Variants in MPDZ observed in about 807,000 individuals in gnomAD.
MPDZ encodes the protein multiple PDZ domain protein.
MPDZ carries 234 observed loss-of-function variants against 239.1 expected under a neutral mutation model. The observed-to-expected ratio is 0.98, with a 90% CI of 0.88 to 1.09. The LOEUF (loss-of-function observed/expected upper bound fraction) is 1.09, where lower values mean the gene tolerates loss of function less well. MPDZ is among the 50% of genes least tolerant of loss of function. The pLI is 0.00. For synonymous variants in MPDZ, 1,048 were observed against 881.3 expected (o/e 1.19, Z -3.35); for missense variants, 3,175 against 2,510.0 (o/e 1.26, Z -5.66).
chr9:13,216,004 A>G (rs936003744), intron 10 of MPDZ, among the ~76,000 whole-genome samples: 1 of 139,612 alleles, frequency 7.2e-6, no homozygotes, highest in Non-Finnish European at 1.5e-5. Context: ...GATTACAGGC[A>G]TGAGCCACCA....
At chr9:13,243,068 G>C (rs1374259954) in intron 3 of MPDZ, among the ~76,000 whole-genome samples, 1 of 152,074 alleles carries the variant, frequency 6.6e-6, no homozygotes, top group East Asian at 1.9e-4. Flanking sequence ...CATTTTTCAA[G>C]ACCCATTTTC....
At chr9:13,216,892 A>G (rs1355372071) in intron 9 of MPDZ, 30 bp from the exon 10 acceptor site, 2 of 1,536,982 alleles carry the variant, frequency 1.3e-6, no homozygotes, top group Non-Finnish European at 1.8e-6. Flanking sequence ...ATTTTTCACA[A>G]TTTTCAAAGC....
At chr9:13,198,326 A>G (rs1955907165) in intron 12 of MPDZ, among the ~76,000 whole-genome samples, 1 of 152,016 alleles carries the variant, frequency 6.6e-6, no homozygotes, top group African/African-American at 2.4e-5. Context: ...TGTAGTTTTG[A>G]CTTGCATTTC....
At position 13,115,762 on chromosome 9, in the gene MPDZ, G is replaced by A. The variant is rs755178235; in HGVS notation, c.5380-428C>T. Among the ~76,000 whole-genome samples the A allele has an allele frequency of 3.2e-4, 48 of 152,012 alleles. 1 individual carries two copies. Among genetic ancestry groups the A allele is most frequent in the South Asian group, 2.1e-3 (10 of 4,810 alleles). On this transcript the variant is annotated intron_variant, in intron 39 of 46. Coordinates refer to ENST00000319217, the MANE Select transcript of MPDZ (RefSeq NM_001378778.1). The stretch of plus-strand genomic sequence containing the variant: ...AGATCAAGACCATCCTGGCTAACAT[G>A]GTGAAACCCTGTCTCTACTAAAAAT...
Position 13,127,548 on chromosome 9 carries a change from A to G in MPDZ, c.4465-776T>C, listed in dbSNP as rs140846724. Among the ~76,000 whole-genome samples, 711 of 152,334 alleles carry G rather than the reference A, an allele frequency of 4.7e-3. 6 individuals are homozygous for G. Among genetic ancestry groups the G allele is most frequent in the African/African-American group, 0.016 (685 of 41,578 alleles). On this transcript the variant is annotated intron_variant, in intron 32 of 46. Transcript: ENST00000319217. The stretch of plus-strand genomic sequence containing the variant: ...ATTTTTTCTCCAGAGAAAAGTTACA[A>G]AAAGCAAAGAAAAGAAAAGAGAATC...
At chr9:13,176,656 G>T (rs1952533926) in intron 19 of MPDZ, among the ~76,000 whole-genome samples, 3 of 152,056 alleles carry the variant, frequency 2.0e-5, no homozygotes, top group Admixed American at 2.0e-4. Context: ...GTTCTACTGA[G>T]TTATACTTGT....
chr9:13,266,638 T>C (rs759808011), intron 1 of MPDZ, among the ~76,000 whole-genome samples: 3 of 152,208 alleles, frequency 2.0e-5, no homozygotes, highest in Non-Finnish European at 2.9e-5. Flanking sequence ...CCACATTTAA[T>C]AGATTCAGTA....
At chr9:13,141,765 C>A in intron 27 of MPDZ, among the ~76,000 whole-genome samples, 1 of 152,184 alleles carries the variant, frequency 6.6e-6, no homozygotes, top group South Asian at 2.1e-4. Context: ...TCAGAAAGCA[C>A]TCAATTTTCT....
chr9:13,264,090 G>A (rs1971287977), intron 1 of MPDZ, among the ~76,000 whole-genome samples: 1 of 152,012 alleles, frequency 6.6e-6, no homozygotes, highest in Non-Finnish European at 1.5e-5. Flanking sequence ...TACTGAAAAT[G>A]AAAATATATA....
rs1039177904 is a variant in MPDZ at position 13,222,309 on chromosome 9, G to A, written c.671C>T (p.Ser224Leu). The change falls in exon 6 of 47, where the codon TCA becomes TTA. Residue 224 changes from serine to leucine, a missense_variant. By Grantham distance (145) the Ser-to-Leu change is moderately radical (BLOSUM62 -2). Coordinates refer to ENST00000319217, the MANE Select transcript of MPDZ (RefSeq NM_001378778.1). ...TATGGGGCTGACAAGCTGAGGCAAT[G>A]AGCCTCTGGCAATAACTAGCTGGAC... ...DTVQLVIARG[S>L]LPQLVSPIVS... 6.8e-6 allele frequency: 11 copies of A among 1,612,992 alleles called. No individual in the cohort carries two copies. Among genetic ancestry groups the A allele is most frequent in the Non-Finnish European group, 9.3e-6 (11 of 1,179,310 alleles).
At chr9:13,173,704 C>CAA (rs1357050642) in intron 21 of MPDZ, among the ~76,000 whole-genome samples, 21 of 114,178 alleles carry the variant, frequency 1.8e-4, no homozygotes, top group African/African-American at 2.6e-4. Context: ...AACTCTCTCT[C>CAA]AAAAAAAAAA....
In MPDZ at chr9:13,217,165, A is replaced by T; in HGVS notation, c.1201+15T>A. On this transcript the variant is annotated intron_variant, in intron 9 of 46. Transcript: ENST00000319217. The stretch of plus-strand genomic sequence containing the variant: ...AATTGTCAAGTTTAAAAGAATACTT[A>T]ATGTTTAAAATTACCCAATTTTTTA... 1 of 1,446,214 alleles carries T rather than the reference A, an allele frequency of 6.9e-7. No homozygotes were observed. Among genetic ancestry groups the T allele is most frequent in the Non-Finnish European group, 9.6e-7 (1 of 1,047,110 alleles). The allele number at this position is 1,446,214 out of a possible 1,614,324, so 89.6% of individuals were successfully genotyped here.
rs1444121104 is a variant in MPDZ, at chr9:13,236,225, G to GTGTGTA, written c.183+11409_183+11410insTACACA. Among the ~76,000 whole-genome samples the GTGTGTA allele has an allele frequency of 9.6e-4, 74 of 76,734 alleles. 1 individual carries two copies. Among genetic ancestry groups the GTGTGTA allele is most frequent in the Admixed American group, 2.9e-3 (16 of 5,484 alleles). The allele number at this position is 76,734 out of a possible 152,430, so 50.3% of individuals were successfully genotyped here. On this transcript the variant is annotated intron_variant, in intron 3 of 46. Coordinates refer to ENST00000319217, the MANE Select transcript of MPDZ (RefSeq NM_001378778.1). The stretch of plus-strand genomic sequence containing the variant: ...TGTGTGTGTGTGTGTGTGTGTGTGT[G>GTGTGTA]TATATGTATATGTGTGTGTGTGTGT...
Position 13,190,199 on chromosome 9 carries a change from G to A in MPDZ, c.2069C>T (p.Pro690Leu). The part of the protein sequence containing the change: ...AGQSTEEVQA[P>L]LAMWEAGIQH... Reference sequence around the variant, plus strand: ...AATGCCAGCCTCCCACATGGCCAAAGGTGCTTGAACCTCTTCTGTACTCTG... The same window carrying A: ...AATGCCAGCCTCCCACATGGCCAAAAGTGCTTGAACCTCTTCTGTACTCTG... The change falls in exon 16 of 47, where the codon CCT becomes CTT. Residue 690 changes from proline to leucine, a missense_variant. By Grantham distance (98) the Pro-to-Leu change is moderately conservative (BLOSUM62 -3). Transcript: ENST00000319217. The A allele has an allele frequency of 6.2e-7, 1 of 1,613,246 alleles. No homozygotes were observed. Among genetic ancestry groups the A allele is most frequent in the Non-Finnish European group, 8.5e-7 (1 of 1,179,550 alleles).
At position 13,139,879 on chromosome 9, in the gene MPDZ, A is replaced by G. The variant is rs551271233; in HGVS notation, c.4003+108T>C. 2.4e-5 allele frequency: 30 copies of G among 1,247,808 alleles called. No individual in the cohort carries two copies. In the African/African-American group the frequency reaches 2.5e-4, roughly 10 times the overall value. 77.3% of individuals were successfully genotyped at this position (1,247,808 alleles called of 1,614,324 possible). On this transcript the variant is annotated intron_variant, in intron 28 of 46. Transcript: ENST00000319217. ...TTCTTTCCACACAGAATTGCAGTAT[A>G]TATCACAAAGCTGCAACATACTTAC...
At chr9:13,129,166 A>C (rs190084084) in intron 32 of MPDZ, among the ~76,000 whole-genome samples, 37 of 152,314 alleles carry the variant, frequency 2.4e-4, no homozygotes, top group African/African-American at 8.4e-4. Flanking sequence ...TATTGATATC[A>C]GAAAAGCAGG....
chr9:13,227,339 T>C (rs1960944990), intron 3 of MPDZ, among the ~76,000 whole-genome samples: 1 of 152,136 alleles, frequency 6.6e-6, no homozygotes, highest in South Asian at 2.1e-4. Flanking sequence ...TGATCAATTA[T>C]TATTTTTTCA....
chr9:13,250,249 TG>T, intron 2 of MPDZ, 50 bp downstream of exon 2: 1 of 1,542,202 alleles, frequency 6.5e-7, no homozygotes, highest in Non-Finnish European at 8.9e-7. Flanking sequence ...AAAATCCCAA[TG>T]GGAGGAGTTA....
intron 33 of MPDZ, 35 bp downstream of exon 33, chr9:13,126,645 A>C: frequency 6.2e-7 from 1 of 1,611,788 alleles, no homozygotes; most frequent in East Asian, 2.2e-5. Flanking sequence ...TTCCCTCCCC[A>C]ACTACTTAAT....
Sources: gnomAD v4.1 joint callset for allele counts (sites outside exome capture counted in the v4.1 genomes callset) on GRCh38, gnomAD v4.1.1 for gene constraint, MANE v1.5 for transcripts, NCBI Gene and HGNC (gene_info 2026-07-23, HGNC 2026-07-21) for gene names.